ZFHX3: variants seen among roughly 807,000 people sequenced by gnomAD.
ZFHX3 encodes the protein zinc finger homeobox 3, also known as zinc finger homeobox protein 3.
A neutral mutation model predicts 279.1 loss-of-function variants in ZFHX3; 42 were observed. The observed-to-expected ratio is 0.15, with a 90% CI of 0.12 to 0.19. ZFHX3 has a LOEUF of 0.19. ZFHX3 is among the 10% of genes least tolerant of loss of function. The pLI, the probability that ZFHX3 is intolerant of heterozygous loss-of-function variation, is 1.00. For synonymous variants in ZFHX3, 2,293 were observed against 1,957.8 expected (o/e 1.17, Z -4.52); for missense variants, 4,981 against 4,754.0 (o/e 1.05, Z -1.40).
intron 1 of ZFHX3, among the ~76,000 whole-genome samples, chr16:72,971,533 C>T (rs1017926298): frequency 6.6e-6 from 1 of 152,142 alleles, no homozygotes. Flanking sequence ...GCCTCCCTTA[C>T]CACTCTAAAA....
intron 1 of ZFHX3, among the ~76,000 whole-genome samples, chr16:73,699,256 T>C (rs2053225867): frequency 6.6e-6 from 1 of 152,282 alleles, no homozygotes; most frequent in African/African-American, 2.4e-5. Flanking sequence ...AGTGGGGGTG[T>C]GTAAGGAAAC....
chr16:73,873,830 C>T (rs138792446), intron 1 of ZFHX3, among the ~76,000 whole-genome samples: 3 of 152,234 alleles, frequency 2.0e-5, no homozygotes, highest in Admixed American at 6.5e-5. Flanking sequence ...AAATGGCAAA[C>T]GGCAAACATC....
intron 5 of ZFHX3, among the ~76,000 whole-genome samples, chr16:73,180,363 A>G (rs1438131686): frequency 6.6e-6 from 1 of 152,004 alleles, no homozygotes; most frequent in Non-Finnish European, 1.5e-5. Flanking sequence ...TTTTGCCTTT[A>G]CTCTGAAGTT....
intron 2 of ZFHX3, among the ~76,000 whole-genome samples, chr16:73,528,131 A>G (rs946734893): frequency 1.3e-5 from 2 of 152,204 alleles, no homozygotes; most frequent in Admixed American, 6.5e-5. Flanking sequence ...GAGCTTTGAC[A>G]TATGGGAAAC....
intron 1 of ZFHX3, among the ~76,000 whole-genome samples, chr16:73,747,460 G>A (rs1483639450): frequency 6.6e-6 from 1 of 152,172 alleles, no homozygotes. Flanking sequence ...CTGTCTCTGA[G>A]TGAGCAAGAA....
chr16:73,702,359 T>C (rs542412406), intron 1 of ZFHX3, among the ~76,000 whole-genome samples: 43 of 152,236 alleles, frequency 2.8e-4, no homozygotes, highest in African/African-American at 9.1e-4. Context: ...ACAGCCCAGA[T>C]GGGACACACG....
chr16:72,932,530 G>C (rs181579472), intron 3 of ZFHX3, among the ~76,000 whole-genome samples: 21 of 151,714 alleles, frequency 1.4e-4, no homozygotes, highest in African/African-American at 5.1e-4. Context: ...AGGAATCCAA[G>C]CTCCACCTCC....
intron 2 of ZFHX3, among the ~76,000 whole-genome samples, chr16:73,564,742 C>G (rs957453676): frequency 6.6e-6 from 1 of 152,190 alleles, no homozygotes; most frequent in Non-Finnish European, 1.5e-5. Context: ...AATTGTACCA[C>G]TGAGGTCTCT....
At chr16:73,737,529 C>A (rs1259875623) in intron 1 of ZFHX3, among the ~76,000 whole-genome samples, 1 of 152,120 alleles carries the variant, frequency 6.6e-6, no homozygotes, top group African/African-American at 2.4e-5. Flanking sequence ...AGAGTAATAT[C>A]AACACCATGT....
At chr16:73,017,124 G>T (rs550401874) in intron 1 of ZFHX3, among the ~76,000 whole-genome samples, 7 of 151,670 alleles carry the variant, frequency 4.6e-5, no homozygotes, top group Admixed American at 4.6e-4. Flanking sequence ...CTGCTTGGGG[G>T]TGCTGAGGCA....
At chr16:73,222,026 A>T (rs1488177095) in intron 5 of ZFHX3, among the ~76,000 whole-genome samples, 1 of 152,104 alleles carries the variant, frequency 6.6e-6, no homozygotes, top group Non-Finnish European at 1.5e-5. Context: ...CCTATTATAC[A>T]TAACTCAATG....
chr16:73,192,242 G>GC (rs766968870), intron 5 of ZFHX3, among the ~76,000 whole-genome samples: 49 of 152,218 alleles, frequency 3.2e-4, no homozygotes, highest in Non-Finnish European at 5.4e-4. Flanking sequence ...AGCCCTCCCT[G>GC]CCCCTCTGCG....
At chr16:73,648,523 G>C (rs2052641612) in intron 2 of ZFHX3, among the ~76,000 whole-genome samples, 1 of 152,114 alleles carries the variant, frequency 6.6e-6, no homozygotes. Flanking sequence ...CTGAGTACCT[G>C]GGATTACAGA....
At chr16:73,675,669 C>T (rs551841906) in intron 2 of ZFHX3, among the ~76,000 whole-genome samples, 2 of 152,016 alleles carry the variant, frequency 1.3e-5, no homozygotes, top group African/African-American at 2.4e-5. Context: ...GATGAAAATA[C>T]TTATCAACTG....
At chr16:73,464,522 G>A (rs139100910) in intron 2 of ZFHX3, among the ~76,000 whole-genome samples, 7 of 139,520 alleles carry the variant, frequency 5.0e-5, no homozygotes, top group African/African-American at 1.0e-4. Flanking sequence ...TGGGCAGACA[G>A]TGAGAATTTA....
rs569515197 is a variant in ZFHX3, at chr16:73,689,026, C to T, written c.-1607-8786G>A. ...GTCTTGGGTATGTCTTTATCAGCAG[C>T]GTGAAAACAGACTAATACAAGCCCA... On this transcript the variant is annotated intron_variant, in intron 1 of 17. Coordinates refer to the ZFHX3 transcript ENST00000641206. 6.2e-4 allele frequency among the ~76,000 whole-genome samples: 94 copies of T among 152,194 alleles called. 1 individual carries two copies. The highest frequency in any genetic ancestry group is 3.9e-4 in the East Asian group (2 of 5,182).
chr16:73,162,416 C>T (rs749551481), intron 5 of ZFHX3, among the ~76,000 whole-genome samples: 3 of 152,202 alleles, frequency 2.0e-5, no homozygotes, highest in Non-Finnish European at 4.4e-5. Context: ...AAGTTCAGAG[C>T]TCCCACTGAT....
chr16:73,772,350 A>G (rs1383607627), intron 1 of ZFHX3, among the ~76,000 whole-genome samples: 1 of 152,246 alleles, frequency 6.6e-6, no homozygotes, highest in Non-Finnish European at 1.5e-5. Context: ...GCAGGCAAAG[A>G]GAGAGCTTGT....
chr16:73,721,757 C>T (rs781342180), intron 1 of ZFHX3, among the ~76,000 whole-genome samples: 1 of 152,144 alleles, frequency 6.6e-6, no homozygotes, highest in Non-Finnish European at 1.5e-5. Context: ...AACAATACCA[C>T]TAGTGGGCCA....
Sources: gnomAD v4.1 joint callset for allele counts (sites outside exome capture counted in the v4.1 genomes callset) on GRCh38, gnomAD v4.1.1 for gene constraint, MANE v1.5 for transcripts, NCBI Gene and HGNC (gene_info 2026-07-23, HGNC 2026-07-21) for gene names.